The following PCDHGA9 variants were observed in gnomAD, a reference collection of about 807,000 sequenced individuals.
PCDHGA9 encodes protocadherin gamma-A9.
In PCDHGA9, 37 loss-of-function variants were observed where a neutral mutation model predicts 62.5. That is an observed-to-expected ratio of 0.59 (90% CI 0.46 to 0.78). PCDHGA9 has a LOEUF of 0.78. PCDHGA9 is among the 30% of genes least tolerant of loss of function. The pLI is 0.00. For synonymous variants in PCDHGA9, 459 were observed against 484.6 expected, an observed-to-expected ratio of 0.95 and a Z score of 0.69; for missense variants, 1,138 against 1,166.2, an observed-to-expected ratio of 0.98 and a Z score of 0.35.
chr5:141,478,870 GT>G, intron 1 of PCDHGA9: 1 of 1,273,360 alleles, frequency 7.9e-7, no homozygotes, highest in Non-Finnish European at 1.0e-6. Context: ...AGCGATCAGA[GT>G]TTAGCTTGGT....
In PCDHGA9 at chr5:141,487,160, G is replaced by A. The variant is rs1188929436; in HGVS notation, c.2425-7647G>A. 5.0e-6 allele frequency: 8 copies of A among 1,613,830 alleles called. No homozygotes were observed. The highest frequency in any genetic ancestry group is 5.1e-6 in the Non-Finnish European group (6 of 1,179,840). ...ACTCTCTACCTCTGTTACTCTCTTA[G>A]TGTCCTTAGAGGAAGACACTCATCC... On this transcript the variant is annotated intron_variant, in intron 1 of 3. Transcript: ENST00000573521. The surrounding 1 kb of genome is among the most constrained non-coding windows in gnomAD (Gnocchi z 5.0).
rs1214425261 is a variant in PCDHGA9 at position 141,485,865 on chromosome 5, C to G, written c.2425-8942C>G. On this transcript the variant is annotated intron_variant, in intron 1 of 3. Coordinates refer to ENST00000573521, the MANE Select transcript of PCDHGA9 (RefSeq NM_018921.3). This position sits in a 1 kb window ranked among gnomAD's most constrained non-coding sequence, Gnocchi z 5.7. The stretch of plus-strand genomic sequence containing the variant: ...TCTGGCACCGCAGAGCTCCGGGTAT[C>G]CGTGCTGGACGTAAACGACAACGCC... The G allele has an allele frequency of 1.2e-6, 2 of 1,614,182 alleles. No individual in the cohort carries two copies.
At position 141,476,051 on chromosome 5, in the gene PCDHGA9, GA is replaced by G; in HGVS notation, c.2425-18753del. On this transcript the variant is annotated intron_variant, in intron 1 of 3. Transcript: ENST00000573521. This position sits in a 1 kb window ranked among gnomAD's most constrained non-coding sequence, Gnocchi z 7.6. ...CCCAGCGCCCAAGCGCTAACCCGCT[GA>G]AAGTTTCTCAGCGAAATCTCAGGGA... 1.3e-6 allele frequency: 2 copies of G among 1,504,270 alleles called. No individual in the cohort carries two copies. The highest frequency in any genetic ancestry group is 1.8e-6 in the Non-Finnish European group (2 of 1,133,694). The allele number at this position is 1,504,270 out of a possible 1,614,324, so 93.2% of individuals were successfully genotyped here.
chr5:141,413,425 C>T, intron 1 of PCDHGA9: 1 of 1,614,098 alleles, frequency 6.2e-7, no homozygotes, highest in Non-Finnish European at 8.5e-7. Flanking sequence ...TCTGAACCCG[C>T]GCAGCGGCAG....
rs911954966 is a variant in PCDHGA9, at chr5:141,491,081, C to G, written c.2425-3726C>G. On this transcript the variant is annotated intron_variant, in intron 1 of 3. Coordinates refer to ENST00000573521, the MANE Select transcript of PCDHGA9 (RefSeq NM_018921.3). This position sits in a 1 kb window ranked among gnomAD's most constrained non-coding sequence, Gnocchi z 6.9. ...TCCTACTCACTGTTGCCACAGTCCACAGCCCCAGGACTGTTCCTCGTGTCT... is the reference window on the plus strand; with the variant it reads ...TCCTACTCACTGTTGCCACAGTCCAGAGCCCCAGGACTGTTCCTCGTGTCT... The G allele has an allele frequency of 4.3e-6, 7 of 1,614,176 alleles. No individual in the cohort carries two copies. Among genetic ancestry groups the G allele is most frequent in the Non-Finnish European group, 5.9e-6 (7 of 1,180,010 alleles).
chr5:141,506,372 C>A (rs1243713695), intron 3 of PCDHGA9, among the ~76,000 whole-genome samples: 1 of 151,402 alleles, frequency 6.6e-6, no homozygotes, highest in Non-Finnish European at 1.5e-5. Context: ...TCGCTTGAAC[C>A]TGGGAGGTGG....
chr5:141,468,419 G>A (rs1733006381), intron 1 of PCDHGA9: 1 of 151,826 alleles, frequency 6.6e-6, no homozygotes, highest in Admixed American at 6.6e-5. Flanking sequence ...AAGTTAGATA[G>A]CAAGGTAATA....
At position 141,486,791 on chromosome 5, in the gene PCDHGA9, C is replaced by T. The variant is rs766519569; in HGVS notation, c.2425-8016C>T. 1.8e-5 allele frequency: 29 copies of T among 1,614,108 alleles called. No homozygotes were observed. The highest frequency in any genetic ancestry group is 2.2e-5 in the Non-Finnish European group (26 of 1,180,054). On this transcript the variant is annotated intron_variant, in intron 1 of 3. Coordinates refer to ENST00000573521, the MANE Select transcript of PCDHGA9 (RefSeq NM_018921.3). The surrounding 1 kb of genome is among the most constrained non-coding windows in gnomAD (Gnocchi z 5.0). ...GCAGTTTGAGGTGCAGGCCCGGGAT[C>T]GGGGCAACCCACCCCTTAGCAGCAC...
chr5:141,457,111 G>A (rs922281700), intron 1 of PCDHGA9, among the ~76,000 whole-genome samples: 4 of 152,120 alleles, frequency 2.6e-5, no homozygotes, highest in South Asian at 2.1e-4. Flanking sequence ...AGCAAAATAC[G>A]ACAGCAATGG....
At chr5:141,469,994 C>T (rs948868787) in intron 1 of PCDHGA9, among the ~76,000 whole-genome samples, 2 of 151,830 alleles carry the variant, frequency 1.3e-5, no homozygotes, top group Non-Finnish European at 1.5e-5. Flanking sequence ...AGCTGGTCGT[C>T]GTGGCACGCC....
chr5:141,460,275 A>G (rs2154566824), intron 1 of PCDHGA9, among the ~76,000 whole-genome samples: 1 of 152,098 alleles, frequency 6.6e-6, no homozygotes, highest in East Asian at 1.9e-4. Context: ...TTTTTCTTTT[A>G]TAGTTTGTAT....
intron 1 of PCDHGA9, chr5:141,422,129 A>T: frequency 6.3e-7 from 1 of 1,599,702 alleles, no homozygotes; most frequent in East Asian, 2.2e-5. Flanking sequence ...CAAACTGGAG[A>T]AGTTCAAGTA....
intron 1 of PCDHGA9, chr5:141,421,422 C>T (rs908483513): frequency 6.2e-7 from 1 of 1,614,086 alleles, no homozygotes; most frequent in Non-Finnish European, 8.5e-7. Flanking sequence ...AGCGCGGAGT[C>T]CGCATCGTCT....
In PCDHGA9 at chr5:141,403,387, C is replaced by T; in HGVS notation, c.435C>T (p.Ile145=). 6.2e-7 allele frequency: 1 copy of T among 1,614,042 alleles called. No individual in the cohort carries two copies. Among genetic ancestry groups the T allele is most frequent in the Non-Finnish European group, 8.5e-7 (1 of 1,179,902 alleles). Residue 145 remains isoleucine, a synonymous_variant, in exon 1 of 4, where the codon ATC becomes ATT. Coordinates refer to ENST00000573521, the MANE Select transcript of PCDHGA9 (RefSeq NM_018921.3). ...AESLEVKINE[I]AVPGARYPLP... Reference sequence around the variant, plus strand: ...GTCTGGAAGTAAAAATTAACGAAATCGCGGTTCCTGGAGCACGTTATCCAC... The same window carrying T: ...GTCTGGAAGTAAAAATTAACGAAATTGCGGTTCCTGGAGCACGTTATCCAC...
rs551396089 is a variant in PCDHGA9, at chr5:141,423,798, A to T, written c.2424+18422A>T. On this transcript the variant is annotated intron_variant, in intron 1 of 3. Coordinates refer to ENST00000573521, the MANE Select transcript of PCDHGA9 (RefSeq NM_018921.3). ...TATTTAGTTCATATATATTTAGAGC[A>T]ATACATGTGAGTTTTACTTTGCCTT... is the stretch of plus-strand genomic sequence containing the variant. 3.3e-6 allele frequency: 4 copies of T among 1,222,280 alleles called. No homozygotes were observed. The South Asian group carries it at 1.1e-4, about 33-fold the overall frequency. 75.7% of individuals were successfully genotyped at this position (1,222,280 alleles called of 1,614,324 possible). A position where few individuals can be genotyped will look rare whatever the true frequency, so the allele number is the denominator to read the frequency against.
chr5:141,462,597 T>C (rs182073985), intron 1 of PCDHGA9, among the ~76,000 whole-genome samples: 1 of 152,320 alleles, frequency 6.6e-6, no homozygotes, highest in East Asian at 1.9e-4. Context: ...TTCCATTTCA[T>C]ATATTGTATT....
intron 1 of PCDHGA9, chr5:141,414,961 G>T: frequency 6.2e-7 from 1 of 1,614,028 alleles, no homozygotes; most frequent in South Asian, 1.1e-5. Flanking sequence ...GACCAAGGTG[G>T]TGGCGGTGGA....
intron 1 of PCDHGA9, among the ~76,000 whole-genome samples, chr5:141,406,263 TC>T (rs1163660392): frequency 3.9e-5 from 6 of 151,964 alleles, no homozygotes; most frequent in Non-Finnish European, 8.8e-5. Flanking sequence ...CAAACGATCT[TC>T]CTGCTTCAGT....
At position 141,487,557 on chromosome 5, in the gene PCDHGA9, T is replaced by C. The variant is rs751511771; in HGVS notation, c.2425-7250T>C. On this transcript the variant is annotated intron_variant, in intron 1 of 3. Coordinates refer to ENST00000573521, the MANE Select transcript of PCDHGA9 (RefSeq NM_018921.3). The surrounding 1 kb of genome is among the most constrained non-coding windows in gnomAD (Gnocchi z 5.0). The stretch of plus-strand genomic sequence containing the variant: ...ATGGTGAAGTCACCCAGTGCACCTA[T>C]GGCAGGGGAGCCTGTTCGCCCAAGC... The C allele has an allele frequency of 1.9e-5, 31 of 1,614,060 alleles. No homozygotes were observed. In the East Asian group the frequency reaches 4.2e-4, roughly 22 times the overall value.
Sources: gnomAD v4.1 joint callset for allele counts (sites outside exome capture counted in the v4.1 genomes callset) on GRCh38, gnomAD v4.1.1 for gene constraint, Gnocchi (gnomAD v3.1) non-coding constraint, MANE v1.5 for transcripts, NCBI Gene and HGNC (gene_info 2026-07-23, HGNC 2026-07-21) for gene names.